The following CLIC4 variants were observed in gnomAD, a reference collection of about 807,000 sequenced individuals.
CLIC4 encodes CLIC family member 4.
Under a neutral mutation model 24.6 loss-of-function variants are expected in CLIC4, and 13 were observed. The ratio of observed to expected loss-of-function variants is 0.53; its 90% CI spans 0.34 to 0.84. The LOEUF is 0.84. Among genes scored for constraint, CLIC4 ranks in the 40% least tolerant of loss-of-function variants. CLIC4 has a pLI of 0.01. For missense variants in CLIC4, 227 were observed against 301.7 expected (o/e 0.75, Z 1.83); for synonymous variants, 104 against 111.3 (o/e 0.93, Z 0.41).
intron 1 of CLIC4, among the ~76,000 whole-genome samples, chr1:24,780,859 G>A (rs908073735): frequency 6.6e-6 from 1 of 151,804 alleles, no homozygotes; most frequent in Non-Finnish European, 1.5e-5. Context: ...AGGCAGAGGC[G>A]GGTGGATCAC....
At chr1:24,782,994 A>C (rs981562518) in intron 1 of CLIC4, among the ~76,000 whole-genome samples, 1 of 152,132 alleles carries the variant, frequency 6.6e-6, no homozygotes, top group Middle Eastern at 3.4e-3. Context: ...AAAACCCAAC[A>C]AAACAAAAAC....
rs576114054 is a variant in CLIC4, at chr1:24,800,430, T to C, written c.182+2579T>C. On this transcript the variant is annotated intron_variant, in intron 2 of 5. Transcript: ENST00000374379. ...CCCCAGCCTGGCCAGCTGCCCCGTC[T>C]GGGAGGGAGGTGGAGGGGTCAGCCC... 6.3e-5 allele frequency among the ~76,000 whole-genome samples: 9 copies of C among 143,730 alleles called. No homozygotes were observed. In the East Asian group the frequency reaches 1.1e-3, roughly 17 times the overall value. The allele number at this position is 143,730 out of a possible 152,430, so 94.3% of individuals were successfully genotyped here. A position where few individuals can be genotyped will look rare whatever the true frequency, so the allele number is the denominator to read the frequency against.
At chr1:24,786,854 G>A (rs1448852332) in intron 1 of CLIC4, among the ~76,000 whole-genome samples, 2 of 151,846 alleles carry the variant, frequency 1.3e-5, no homozygotes, top group South Asian at 2.1e-4. Context: ...TCCTGACCTC[G>A]TGATCCGCCC....
At chr1:24,805,100 AAAAAAC>A (rs1639535310) in intron 2 of CLIC4, among the ~76,000 whole-genome samples, 2 of 144,582 alleles carry the variant, frequency 1.4e-5, no homozygotes, top group Admixed American at 7.1e-5. Context: ...AAAAAAAAAA[AAAAAAC>A]ACAAAAACAA....
intron 1 of CLIC4, among the ~76,000 whole-genome samples, chr1:24,796,022 G>T (rs902969225): frequency 1.3e-5 from 2 of 152,158 alleles, no homozygotes; most frequent in African/African-American, 4.8e-5. Flanking sequence ...TTGCCCTGAG[G>T]CAAGGGTTTA....
chr1:24,829,794 C>A (rs1238015790), intron 4 of CLIC4, among the ~76,000 whole-genome samples: 2 of 152,188 alleles, frequency 1.3e-5, no homozygotes, highest in Non-Finnish European at 2.9e-5. Flanking sequence ...CCTCTCCCCA[C>A]TACTCCTGCC....
At chr1:24,778,445 T>A (rs1396124224) in intron 1 of CLIC4, among the ~76,000 whole-genome samples, 1 of 152,214 alleles carries the variant, frequency 6.6e-6, no homozygotes, top group East Asian at 1.9e-4. Flanking sequence ...TTGGTAACAT[T>A]TTGATTTATT....
intron 5 of CLIC4, 54 bp from the exon 6 acceptor site, chr1:24,840,719 A>G: frequency 7.1e-7 from 1 of 1,404,928 alleles, no homozygotes; most frequent in Non-Finnish European, 9.8e-7. Context: ...AGATATGTCT[A>G]GTTTACAAGA....
intron 1 of CLIC4, among the ~76,000 whole-genome samples, chr1:24,786,908 G>A (rs945522012): frequency 3.3e-5 from 5 of 151,494 alleles, no homozygotes; most frequent in African/African-American, 9.7e-5. Context: ...GTGAGCCACC[G>A]TGCCAGGCCA....
chr1:24,810,624 T>C (rs1426900111), intron 2 of CLIC4, among the ~76,000 whole-genome samples: 1 of 152,124 alleles, frequency 6.6e-6, no homozygotes, highest in Non-Finnish European at 1.5e-5. Context: ...TTTTTAAAAA[T>C]TAGCTGGGCT....
At chr1:24,791,593 G>C (rs901082019) in intron 1 of CLIC4, among the ~76,000 whole-genome samples, 2 of 151,828 alleles carry the variant, frequency 1.3e-5, no homozygotes, top group Non-Finnish European at 2.9e-5. Flanking sequence ...TACAAAAATT[G>C]GGCCGGGCGG....
At chr1:24,750,375 A>C (rs1457864409) in intron 1 of CLIC4, among the ~76,000 whole-genome samples, 3 of 150,536 alleles carry the variant, frequency 2.0e-5, no homozygotes, top group Non-Finnish European at 4.4e-5. Context: ...TATATTTGAG[A>C]CCTTTTAGCA....
intron 3 of CLIC4, among the ~76,000 whole-genome samples, chr1:24,824,954 C>G (rs1013569881): frequency 1.3e-5 from 2 of 149,684 alleles, no homozygotes; most frequent in Non-Finnish European, 3.0e-5. Flanking sequence ...TGAGCAAGAT[C>G]CTGCCACTAC....
Position 24,841,047 on chromosome 1 carries a change from T to C in CLIC4, c.*110T>C. ...AATTGTATTTTGCACGAACATGCAG[T>C]TATTGAAGATTAGGATCAAGGATAG... On this transcript the variant is annotated 3_prime_UTR_variant, in exon 6 of 6. Coordinates refer to ENST00000374379, the MANE Select transcript of CLIC4 (RefSeq NM_013943.3). 2.4e-6 allele frequency: 2 copies of C among 839,090 alleles called. No homozygotes were observed. The highest frequency in any genetic ancestry group is 3.7e-6 in the Non-Finnish European group (2 of 544,650). 52.0% of individuals were successfully genotyped at this position (839,090 alleles called of 1,614,324 possible).
chr1:24,754,888 A>G (rs1198233145), intron 1 of CLIC4, among the ~76,000 whole-genome samples: 1 of 151,944 alleles, frequency 6.6e-6, no homozygotes, highest in Admixed American at 6.6e-5. Flanking sequence ...CCTGGCCAAC[A>G]TGGTGAATCC....
At chr1:24,781,062 C>T (rs1639197312) in intron 1 of CLIC4, among the ~76,000 whole-genome samples, 2 of 133,268 alleles carry the variant, frequency 1.5e-5, no homozygotes, top group East Asian at 2.2e-4. Flanking sequence ...ACTCCAGCCT[C>T]GGCAACAAGA....
At chr1:24,755,495 T>C (rs1481850164) in intron 1 of CLIC4, among the ~76,000 whole-genome samples, 1 of 150,662 alleles carries the variant, frequency 6.6e-6, no homozygotes, top group African/African-American at 2.4e-5. Context: ...CCTCTAGACC[T>C]AGCTTTGGCA....
chr1:24,751,644 A>G (rs115138068), intron 1 of CLIC4, among the ~76,000 whole-genome samples: 1,806 of 152,318 alleles, frequency 0.012, 40 homozygotes, highest in African/African-American at 0.041. Flanking sequence ...AAATGAGAGT[A>G]ATAGAGATGG....
Position 24,844,212 on chromosome 1 carries a change from C to T in CLIC4, c.*3275C>T, listed in dbSNP as rs1029840962. 9.8e-5 allele frequency: 15 copies of T among 152,572 alleles called. No individual in the cohort carries two copies. Among genetic ancestry groups the T allele is most frequent in the African/African-American group, 3.6e-4 (15 of 41,442 alleles). The allele number at this position is 152,572 out of a possible 1,614,324, so 9.5% of individuals were successfully genotyped here. A position where few individuals can be genotyped will look rare whatever the true frequency, so the allele number is the denominator to read the frequency against. Reference sequence around the variant, plus strand: ...TTTTCTTTTATCTTTGGAACATCAGCACCAGTATATTGCTGGCAGCTATTG... The same window carrying T: ...TTTTCTTTTATCTTTGGAACATCAGTACCAGTATATTGCTGGCAGCTATTG... On this transcript the variant is annotated 3_prime_UTR_variant, in exon 6 of 6. Transcript: ENST00000374379.
Sources: gnomAD v4.1 joint callset for allele counts (sites outside exome capture counted in the v4.1 genomes callset) on GRCh38, gnomAD v4.1.1 for gene constraint, MANE v1.5 for transcripts, NCBI Gene and HGNC (gene_info 2026-07-23, HGNC 2026-07-21) for gene names.